Variants in GABRD observed in about 807,000 individuals in gnomAD.
GABRD encodes gamma-aminobutyric acid type A receptor subunit delta, also known as gamma-aminobutyric acid receptor subunit delta.
Under a neutral mutation model 47.3 loss-of-function variants are expected in GABRD, and 25 were observed. That is an observed-to-expected ratio of 0.53 (90% CI 0.39 to 0.74). The LOEUF is 0.74. Ranked by LOEUF, GABRD falls within the 30% of genes least tolerant of loss-of-function variation. The pLI is 0.00. For synonymous variants in GABRD, 314 were observed against 278.8 expected, an observed-to-expected ratio of 1.13 and a Z score of -1.26; for missense variants, 497 against 643.4, an observed-to-expected ratio of 0.77 and a Z score of 2.46.
In GABRD at chr1:2,022,735, CCTT is replaced by C. The variant is rs1315401911; in HGVS notation, c.69-2206_69-2204del. On this transcript the variant is annotated intron_variant, in intron 1 of 8. Coordinates refer to ENST00000378585, the MANE Select transcript of GABRD (RefSeq NM_000815.5). ...CTTTGTTACCAAAGTGCCTGCTCCTCCTTAGCCCTGTGCCGGGCCACTCCTGGG... is the reference window on the plus strand; with the variant it reads ...CTTTGTTACCAAAGTGCCTGCTCCTCAGCCCTGTGCCGGGCCACTCCTGGG... Among the ~76,000 whole-genome samples the C allele has an allele frequency of 2.6e-5, 4 of 152,254 alleles. No individual in the cohort carries two copies. In the East Asian group the frequency reaches 7.7e-4, roughly 29 times the overall value.
chr1:2,025,341 C>T lies in GABRD; in HGVS notation c.189C>T (p.Pro63=), dbSNP rs771923214. 1.9e-5 allele frequency: 30 copies of T among 1,613,210 alleles called. No homozygotes were observed. The highest frequency in any genetic ancestry group is 8.8e-5 in the South Asian group (8 of 91,088). The change falls in exon 3 of 9, where the codon CCC becomes CCT. Residue 63 remains proline, a synonymous_variant. Transcript: ENST00000378585. ...TCTGCTCTTTCCTTGCAGGCCCCCCCGTGAATGTGGCCCTTGCCCTGGAGG... is the reference window on the plus strand; with the variant it reads ...TCTGCTCTTTCCTTGCAGGCCCCCCTGTGAATGTGGCCCTTGCCCTGGAGG... ...RNFRPGIGGP[P]VNVALALEVA... is the part of the protein sequence containing the mutation.
At chr1:2,019,588 G>T in intron 1 of GABRD, 97 bp downstream of exon 1, 1 of 741,688 alleles carries the variant, frequency 1.3e-6, no homozygotes, top group Non-Finnish European at 1.7e-6. Context: ...CGCGAGCCCC[G>T]GGCCCCGGAC....
intron 4 of GABRD, among the ~76,000 whole-genome samples, chr1:2,026,376 G>A (rs528594698): frequency 5.3e-5 from 8 of 152,380 alleles, no homozygotes; most frequent in South Asian, 4.1e-4. Flanking sequence ...CGGCAGGGGC[G>A]CGCCACACCT....
rs1658988076 is a variant in GABRD at position 2,028,353 on chromosome 1, GCCCCTTCCGCGCGCGCCCA to G, written c.691+64_691+82del. 3 of 1,468,686 alleles carry G rather than the reference GCCCCTTCCGCGCGCGCCCA, an allele frequency of 2.0e-6. No homozygotes were observed. The highest frequency in any genetic ancestry group is 2.9e-5 in the African/African-American group (2 of 68,346). The allele number at this position is 1,468,686 out of a possible 1,614,324, so 91.0% of individuals were successfully genotyped here. On this transcript the variant is annotated intron_variant, in intron 6 of 8. Transcript: ENST00000378585. The surrounding 1 kb of genome is among the most constrained non-coding windows in gnomAD (Gnocchi z 6.4). ...GCCGCCCCTTCCGCGCGCGCCCACC[GCCCCTTCCGCGCGCGCCCA>G]CCGCCCCTTCCGCGTGCGCCCGCCT...
At chr1:2,027,488 C>A in intron 4 of GABRD, 89 bp from the exon 5 acceptor site, 2 of 1,027,262 alleles carry the variant, frequency 1.9e-6, no homozygotes, top group Non-Finnish European at 3.0e-6. Flanking sequence ...CAGGCAGGTG[C>A]TCAGGGGGCA....
intron 1 of GABRD, chr1:2,024,741 G>C (rs2102146722): frequency 1.9e-6 from 1 of 515,092 alleles, no homozygotes; most frequent in East Asian, 3.2e-5. Flanking sequence ...CAGTGGAAGA[G>C]GCTGAGGACC....
In GABRD at chr1:2,028,916, C is replaced by G; in HGVS notation, c.692-195C>G. ...TCTGGGTGACACTGCTCAGGACCAGCCTGTCCTGTGGCCAGACCTAGGGCC... is the reference window on the plus strand; with the variant it reads ...TCTGGGTGACACTGCTCAGGACCAGGCTGTCCTGTGGCCAGACCTAGGGCC... On this transcript the variant is annotated intron_variant, in intron 6 of 8. Transcript: ENST00000378585. This position sits in a 1 kb window ranked among gnomAD's most constrained non-coding sequence, Gnocchi z 6.4. 1.5e-6 allele frequency: 1 copy of G among 648,202 alleles called. No individual in the cohort carries two copies. The highest frequency in any genetic ancestry group is 2.0e-5 in the South Asian group (1 of 50,936). The allele number at this position is 648,202 out of a possible 1,614,324, so 40.2% of individuals were successfully genotyped here.
chr1:2,019,822 C>A (rs1042973120), intron 1 of GABRD, among the ~76,000 whole-genome samples: 1 of 152,198 alleles, frequency 6.6e-6, no homozygotes, highest in Admixed American at 6.5e-5. Context: ...GTCCCCGGGT[C>A]CGCGGCACTC....
At chr1:2,026,628 G>A (rs1208156707) in intron 4 of GABRD, 1 of 152,100 alleles carries the variant, frequency 6.6e-6, no homozygotes, top group Non-Finnish European at 1.5e-5. Flanking sequence ...GAGGTCAAGA[G>A]ATCGAGACCA....
At chr1:2,027,205 AAT>A in intron 4 of GABRD, 1 of 344,440 alleles carries the variant, frequency 2.9e-6, no homozygotes, top group South Asian at 2.4e-5. Flanking sequence ...TAGGAATTTA[AAT>A]ATTTGACCTC....
chr1:2,029,820 T>G (rs925671397), intron 8 of GABRD, 58 bp downstream of exon 8: 22 of 1,534,226 alleles, frequency 1.4e-5, no homozygotes, highest in Non-Finnish European at 1.7e-5. Flanking sequence ...CCAGGACCCT[T>G]CAGCTGCCCC....
chr1:2,028,328 GCCGCCCCTTCCGCGCGCGCCCA>G lies in GABRD; in HGVS notation c.691+73_691+94del, dbSNP rs773177029. ...CCCGCCGCCCCTTCCGCATGTGCCC[GCCGCCCCTTCCGCGCGCGCCCA>G]CCGCCCCTTCCGCGCGCGCCCACCG... On this transcript the variant is annotated intron_variant, in intron 6 of 8. Transcript: ENST00000378585. This position sits in a 1 kb window ranked among gnomAD's most constrained non-coding sequence, Gnocchi z 6.4. 964 of 1,580,714 alleles carry G rather than the reference GCCGCCCCTTCCGCGCGCGCCCA, an allele frequency of 6.1e-4. 7 individuals are homozygous for G. The highest frequency in any genetic ancestry group is 4.0e-3 in the East Asian group (171 of 42,968).
Position 2,022,731 on chromosome 1 carries a change from T to C in GABRD, c.69-2211T>C, listed in dbSNP as rs113202912. On this transcript the variant is annotated intron_variant, in intron 1 of 8. Transcript: ENST00000378585. ...TATACTTTGTTACCAAAGTGCCTGC[T>C]CCTCCTTAGCCCTGTGCCGGGCCAC... 4.3e-3 allele frequency among the ~76,000 whole-genome samples: 650 copies of C among 152,364 alleles called. 3 individuals carry two copies. Among genetic ancestry groups the C allele is most frequent in the Non-Finnish European group, 7.0e-3 (478 of 68,034 alleles).
Position 2,028,186 on chromosome 1 carries a change from C to T in GABRD, c.585C>T (p.Tyr195=). The change falls in exon 6 of 9, where the codon TAC becomes TAT. Residue 195 remains tyrosine, a synonymous_variant. Coordinates refer to ENST00000378585, the MANE Select transcript of GABRD (RefSeq NM_000815.5). This position sits in a 1 kb window ranked among gnomAD's most constrained non-coding sequence, Gnocchi z 6.4. ...ACTCATCGGAGGACATCGTCTACTA[C>T]TGGTCGGAGAGCCAGGAGCACATCC... is the stretch of plus-strand genomic sequence containing the variant. The part of the protein sequence containing the change: ...YGYSSEDIVY[Y]WSESQEHIHG... 1 of 1,612,514 alleles carries T rather than the reference C, an allele frequency of 6.2e-7. No individual in the cohort carries two copies. The highest frequency in any genetic ancestry group is 8.5e-7 in the Non-Finnish European group (1 of 1,179,786).
In GABRD at chr1:2,030,473, C is replaced by T. The variant is rs553135632; in HGVS notation, c.*191C>T. 3 of 475,796 alleles carry T rather than the reference C, an allele frequency of 6.3e-6. No individual in the cohort carries two copies. The South Asian group carries it at 1.5e-4, about 23-fold the overall frequency. The allele number at this position is 475,796 out of a possible 1,614,324, so 29.5% of individuals were successfully genotyped here. On this transcript the variant is annotated 3_prime_UTR_variant, in exon 9 of 9. Coordinates refer to ENST00000378585, the MANE Select transcript of GABRD (RefSeq NM_000815.5). Reference sequence around the variant, plus strand: ...ACCCCAGCCTCACCCGAAAGGCCAGCCTGGGGCTCTCCGGCAGGCAGCCCG... The same window carrying T: ...ACCCCAGCCTCACCCGAAAGGCCAGTCTGGGGCTCTCCGGCAGGCAGCCCG...
rs1486171512 is a variant in GABRD, at chr1:2,030,600, A to G, written c.*318A>G. 1.5e-5 allele frequency: 4 copies of G among 273,962 alleles called. No homozygotes were observed. Among genetic ancestry groups the G allele is most frequent in the Non-Finnish European group, 2.0e-5 (3 of 146,820 alleles). The allele number at this position is 273,962 out of a possible 1,614,324, so 17.0% of individuals were successfully genotyped here. A position where few individuals can be genotyped will look rare whatever the true frequency, so the allele number is the denominator to read the frequency against. On this transcript the variant is annotated 3_prime_UTR_variant, in exon 9 of 9. Transcript: ENST00000378585. The stretch of plus-strand genomic sequence containing the variant: ...CGCGGATTTTTATGTTCAGAAAGTG[A>G]TCCTGGTTTCTAGGTCTTTGCTCTG...
chr1:2,024,642 G>C, intron 1 of GABRD: 1 of 236,752 alleles, frequency 4.2e-6, no homozygotes, highest in East Asian at 8.8e-5. Flanking sequence ...GGCCCACGCT[G>C]GGGGGCTCTG....
intron 2 of GABRD, 70 bp downstream of exon 2, chr1:2,025,124 A>C: frequency 7.1e-7 from 1 of 1,405,436 alleles, no homozygotes; most frequent in Non-Finnish European, 9.9e-7. Context: ...TGTGTGGCCC[A>C]CTGGGCTGTA....
At chr1:2,020,387 C>T (rs150517758) in intron 1 of GABRD, among the ~76,000 whole-genome samples, 1 of 152,366 alleles carries the variant, frequency 6.6e-6, no homozygotes, top group Non-Finnish European at 1.5e-5. Flanking sequence ...CCCCAGCATT[C>T]AGGATCTCAG....
Sources: gnomAD v4.1 joint callset for allele counts (sites outside exome capture counted in the v4.1 genomes callset) on GRCh38, gnomAD v4.1.1 for gene constraint, Gnocchi (gnomAD v3.1) non-coding constraint, MANE v1.5 for transcripts, NCBI Gene and HGNC (gene_info 2026-07-23, HGNC 2026-07-21) for gene names.